The following STK3 variants were observed in gnomAD, a reference collection of about 807,000 sequenced individuals.
STK3 encodes the protein serine/threonine kinase 3, also known as serine/threonine-protein kinase 3.
STK3 carries 41 observed loss-of-function variants against 58.0 expected under a neutral mutation model. The observed-to-expected ratio is 0.71, with a 90% CI of 0.55 to 0.92. The LOEUF (loss-of-function observed/expected upper bound fraction) is 0.92, where lower values mean the gene tolerates loss of function less well. STK3 is among the 40% of genes least tolerant of loss of function. The pLI is 0.00. For synonymous variants in STK3, 170 were observed against 191.0 expected (o/e 0.89, Z 0.91); for missense variants, 479 against 602.7 (o/e 0.79, Z 2.15).
intron 3 of STK3, among the ~76,000 whole-genome samples, chr8:98,852,479 A>C (rs1311504083): frequency 6.6e-6 from 1 of 152,172 alleles, no homozygotes; most frequent in Non-Finnish European, 1.5e-5. Flanking sequence ...TTCAAGTAAA[A>C]ACACCCTGAC....
intron 1 of STK3, chr8:98,906,463 C>T (rs1000732726): frequency 2.0e-5 from 3 of 152,258 alleles, no homozygotes; most frequent in Admixed American, 1.3e-4. Flanking sequence ...GCCAGTGCTT[C>T]CAGATCCACT....
intron 2 of STK3, among the ~76,000 whole-genome samples, chr8:98,774,226 A>C (rs1393890286): frequency 6.6e-6 from 1 of 152,092 alleles, no homozygotes; most frequent in Non-Finnish European, 1.5e-5. Flanking sequence ...CATTCCATTA[A>C]ATGCTCCCTA....
At chr8:98,404,833 AGAGT>A (rs1477188153) in intron 3 of STK3, among the ~76,000 whole-genome samples, 1 of 152,188 alleles carries the variant, frequency 6.6e-6, no homozygotes, top group Non-Finnish European at 1.5e-5. Flanking sequence ...CCTGGGCAAC[AGAGT>A]GAGACCTTGT....
intron 3 of STK3, among the ~76,000 whole-genome samples, chr8:98,870,133 T>A (rs1837315298): frequency 6.6e-6 from 1 of 152,218 alleles, no homozygotes. Flanking sequence ...CTCAGAATGA[T>A]GGTTTCTAGC....
At chr8:98,887,035 T>C (rs1274833477) in intron 1 of STK3, among the ~76,000 whole-genome samples, 1 of 152,026 alleles carries the variant, frequency 6.6e-6, no homozygotes, top group Non-Finnish European at 1.5e-5. Flanking sequence ...AGGCGGAGTT[T>C]GCAGTGAGCC....
chr8:98,429,421 G>T, intron 3 of STK3: 2 of 1,579,274 alleles, frequency 1.3e-6, no homozygotes, highest in South Asian at 1.1e-5. Flanking sequence ...TAGCCGGGAG[G>T]ACTTGTCACC....
chr8:98,421,919 G>A (rs1385555176), intron 3 of STK3, among the ~76,000 whole-genome samples: 1 of 152,212 alleles, frequency 6.6e-6, no homozygotes, highest in East Asian at 1.9e-4. Context: ...GGAGCAGGAG[G>A]CATCAGAGGA....
At chr8:98,431,828 T>C (rs560474973) in intron 3 of STK3, 1 of 166,992 alleles carries the variant, frequency 6.0e-6, no homozygotes, top group African/African-American at 2.4e-5. Context: ...TTAGAGACTA[T>C]CTTTTTAACA....
the STK3 span, among the ~76,000 whole-genome samples, chr8:98,362,872 G>A: frequency 2.0e-5 from 3 of 152,168 alleles, no homozygotes; most frequent in African/African-American, 7.2e-5. Context: ...CAACCCAGAA[G>A]GATAGATATT....
rs143967385 is a variant in STK3 at position 98,581,862 on chromosome 8, C to T, written c.823-2073G>A. 1.3e-4 allele frequency among the ~76,000 whole-genome samples: 19 copies of T among 151,980 alleles called. No homozygotes were observed. In the East Asian group the frequency reaches 2.9e-3, roughly 23 times the overall value. On this transcript the variant is annotated intron_variant, in intron 7 of 10. Coordinates refer to ENST00000419617, the MANE Select transcript of STK3 (RefSeq NM_006281.4). ...TTTTTATGCTTGTTTTATATACTTACAATGTCCATGGTTTTAGCTGTACTT... is the reference window on the plus strand; with the variant it reads ...TTTTTATGCTTGTTTTATATACTTATAATGTCCATGGTTTTAGCTGTACTT...
chr8:98,359,494 A>G, the STK3 span, among the ~76,000 whole-genome samples: 2 of 149,592 alleles, frequency 1.3e-5, no homozygotes, highest in Non-Finnish European at 1.5e-5. Flanking sequence ...TTGCACTCCA[A>G]CCTGGGCAAC....
chr8:98,768,443 C>T (rs188976427), intron 2 of STK3, among the ~76,000 whole-genome samples: 44 of 152,246 alleles, frequency 2.9e-4, no homozygotes, highest in East Asian at 1.2e-3. Context: ...AGTGATAACG[C>T]GGCTACTTCA....
At position 98,678,561 on chromosome 8, in the gene STK3, T is replaced by C. The variant is rs1263731490; in HGVS notation, c.684+27906A>G. 2.0e-5 allele frequency among the ~76,000 whole-genome samples: 3 copies of C among 152,132 alleles called. No individual in the cohort carries two copies. The East Asian group carries it at 5.8e-4, about 29-fold the overall frequency. ...TTTTATCATAAAAACAGAATGTATA[T>C]GAAATTATTTCACTTTAGCAATTTT... On this transcript the variant is annotated intron_variant, in intron 6 of 10. Transcript: ENST00000419617.
At chr8:98,869,139 C>G (rs1035784347) in intron 3 of STK3, among the ~76,000 whole-genome samples, 1 of 151,910 alleles carries the variant, frequency 6.6e-6, no homozygotes, top group Non-Finnish European at 1.5e-5. Flanking sequence ...AAGAATCTCA[C>G]GCTGGGTCTG....
At chr8:98,788,533 A>T (rs1396177277) in intron 1 of STK3, among the ~76,000 whole-genome samples, 1 of 152,140 alleles carries the variant, frequency 6.6e-6, no homozygotes, top group East Asian at 1.9e-4. Context: ...TTCAAGAAAC[A>T]CACCTAACAC....
chr8:98,651,890 C>T (rs1251058333), intron 6 of STK3, among the ~76,000 whole-genome samples: 1 of 152,042 alleles, frequency 6.6e-6, no homozygotes, highest in Non-Finnish European at 1.5e-5. Context: ...AGAATGGAAC[C>T]AAGTTGGAAA....
intron 8 of STK3, among the ~76,000 whole-genome samples, chr8:98,572,122 C>T (rs1045661847): frequency 1.3e-5 from 2 of 152,140 alleles, no homozygotes; most frequent in East Asian, 1.9e-4. Flanking sequence ...AGTACCTGTA[C>T]AATATTCAAT....
the STK3 span, among the ~76,000 whole-genome samples, chr8:98,358,691 G>T: frequency 6.6e-6 from 1 of 152,078 alleles, no homozygotes; most frequent in Non-Finnish European, 1.5e-5. Context: ...GGAAAGGTAG[G>T]CATGGTTTAG....
chr8:98,695,851 T>A (rs1165323602), intron 6 of STK3, among the ~76,000 whole-genome samples: 1 of 152,250 alleles, frequency 6.6e-6, no homozygotes, highest in Non-Finnish European at 1.5e-5. Flanking sequence ...ATGCGGGCTC[T>A]TTTTGGGTTC....
Sources: gnomAD v4.1 joint callset for allele counts (sites outside exome capture counted in the v4.1 genomes callset) on GRCh38, gnomAD v4.1.1 for gene constraint, MANE v1.5 for transcripts, NCBI Gene and HGNC (gene_info 2026-07-23, HGNC 2026-07-21) for gene names.